ATXN1: variants seen among roughly 807,000 people sequenced by gnomAD.
ATXN1 encodes ataxin 1.
Under a neutral mutation model 56.4 loss-of-function variants are expected in ATXN1, and 8 were observed. The observed-to-expected ratio is 0.14, with a 90% CI of 0.08 to 0.26. The LOEUF (loss-of-function observed/expected upper bound fraction) is 0.26. Among genes scored for constraint, ATXN1 ranks in the 10% least tolerant of loss-of-function variants. ATXN1 has a pLI of 1.00. For synonymous variants in ATXN1, 514 were observed against 494.6 expected, an observed-to-expected ratio of 1.04 and a Z score of -0.52; for missense variants, 987 against 1,106.5, an observed-to-expected ratio of 0.89 and a Z score of 1.53.
At chr6:16,401,739 T>C (rs1018783911) in intron 6 of ATXN1, among the ~76,000 whole-genome samples, 40 of 152,340 alleles carry the variant, frequency 2.6e-4, no homozygotes, top group African/African-American at 8.9e-4. Context: ...TGAGTGTAAC[T>C]GAATATTTTT....
chr6:16,481,599 C>T (rs893403815), intron 6 of ATXN1, among the ~76,000 whole-genome samples: 1 of 152,024 alleles, frequency 6.6e-6, no homozygotes, highest in African/African-American at 2.4e-5. Context: ...TTCCAGAAAC[C>T]TTTATTATTG....
chr6:16,375,646 A>C (rs1460215318), intron 6 of ATXN1, among the ~76,000 whole-genome samples: 1 of 152,082 alleles, frequency 6.6e-6, no homozygotes, highest in East Asian at 1.9e-4. Flanking sequence ...AATTTCCATC[A>C]GACCACAATG....
At chr6:16,708,355 G>T (rs576701307) in intron 2 of ATXN1, among the ~76,000 whole-genome samples, 1 of 146,310 alleles carries the variant, frequency 6.8e-6, no homozygotes, top group East Asian at 2.0e-4. Flanking sequence ...AATGTAATTA[G>T]CAATTAAGGA....
chr6:16,322,394 TG>T (rs1319381302), intron 7 of ATXN1, among the ~76,000 whole-genome samples: 1 of 151,244 alleles, frequency 6.6e-6, no homozygotes, highest in African/African-American at 2.5e-5. Flanking sequence ...CTGCTTTCCC[TG>T]GGGGTGTGAT....
At chr6:16,510,720 A>G (rs1459048637) in intron 5 of ATXN1, among the ~76,000 whole-genome samples, 4 of 152,126 alleles carry the variant, frequency 2.6e-5, no homozygotes, top group African/African-American at 9.7e-5. Context: ...CCTGGGTGAC[A>G]GAGTGAGGCC....
chr6:16,579,417 C>A (rs1355538878), intron 4 of ATXN1, among the ~76,000 whole-genome samples: 1 of 137,236 alleles, frequency 7.3e-6, no homozygotes, highest in Non-Finnish European at 1.5e-5. Context: ...CCTCTGAGAG[C>A]AAACCACTCA....
chr6:16,402,194 T>C (rs1177185774), intron 6 of ATXN1, among the ~76,000 whole-genome samples: 1 of 146,746 alleles, frequency 6.8e-6, no homozygotes, highest in Non-Finnish European at 1.5e-5. Flanking sequence ...ATATCATCAG[T>C]TGATCTATAT....
At chr6:16,347,546 G>C (rs1013979202) in intron 6 of ATXN1, among the ~76,000 whole-genome samples, 4 of 151,814 alleles carry the variant, frequency 2.6e-5, no homozygotes, top group African/African-American at 9.7e-5. Flanking sequence ...CTCAAGGTTT[G>C]TAAACACACC....
At chr6:16,562,466 G>GAGAGA (rs1396854082) in intron 4 of ATXN1, among the ~76,000 whole-genome samples, 8 of 145,136 alleles carry the variant, frequency 5.5e-5, no homozygotes, top group African/African-American at 2.1e-4. Context: ...GAGAGGAGAG[G>GAGAGA]AGAGGAGAGG....
rs767768953 is a variant in ATXN1, at chr6:16,328,319, G to GT, written c.-10dup. On this transcript the variant is annotated 5_prime_UTR_variant, in exon 7 of 8. Coordinates refer to ENST00000436367, the MANE Select transcript of ATXN1 (RefSeq NM_001128164.2). This position sits in a 1 kb window ranked among gnomAD's most constrained non-coding sequence, Gnocchi z 6.2. Reference sequence around the variant, plus strand: ...TCTTGGTTGGATTTCATTTTTCGCCGTCCCCCCTCCACGGTGACTGTTTCA... The same window carrying GT: ...TCTTGGTTGGATTTCATTTTTCGCCGTTCCCCCCTCCACGGTGACTGTTTCA... 25 of 1,498,150 alleles carry GT rather than the reference G, an allele frequency of 1.7e-5. No homozygotes were observed. The highest frequency in any genetic ancestry group is 2.2e-5 in the Non-Finnish European group (25 of 1,129,304). 92.8% of individuals were successfully genotyped at this position (1,498,150 alleles called of 1,614,324 possible).
At chr6:16,701,676 C>G (rs1156721011) in intron 2 of ATXN1, among the ~76,000 whole-genome samples, 1 of 147,920 alleles carries the variant, frequency 6.8e-6, no homozygotes, top group Non-Finnish European at 1.5e-5. Flanking sequence ...CACAAGCATT[C>G]TTATACACCA....
chr6:16,694,337 C>T (rs115448706), intron 2 of ATXN1, among the ~76,000 whole-genome samples: 1,940 of 150,882 alleles, frequency 0.013, 28 homozygotes, highest in Middle Eastern at 0.027. Flanking sequence ...CTGCAAGCTC[C>T]GCCGCCTCCT....
chr6:16,523,948 C>A (rs1487627957), intron 4 of ATXN1, among the ~76,000 whole-genome samples: 2 of 152,180 alleles, frequency 1.3e-5, no homozygotes, highest in Non-Finnish European at 2.9e-5. Context: ...TTTAAAGACG[C>A]CTTTGCAGGT....
intron 6 of ATXN1, among the ~76,000 whole-genome samples, chr6:16,342,837 G>C (rs930703437): frequency 6.6e-6 from 1 of 152,192 alleles, no homozygotes; most frequent in African/African-American, 2.4e-5. Context: ...TTTGGAGAGA[G>C]CGTAGAACAG....
At chr6:16,753,085 C>T (rs936955302) in intron 2 of ATXN1, 148 bp downstream of exon 2, 14 of 346,570 alleles carry the variant, frequency 4.0e-5, no homozygotes, top group African/African-American at 2.8e-4. Context: ...TTGGCAATTT[C>T]TCAACTTCCC....
In ATXN1 at chr6:16,463,780, C is replaced by G. The variant is rs188882007; in HGVS notation, c.-161+22192G>C. 5.6e-4 allele frequency among the ~76,000 whole-genome samples: 85 copies of G among 152,340 alleles called. 1 individual carries two copies. The Middle Eastern group carries it at 0.014, about 24-fold the overall frequency. On this transcript the variant is annotated intron_variant, in intron 6 of 7. Coordinates refer to ENST00000436367, the MANE Select transcript of ATXN1 (RefSeq NM_001128164.2). The stretch of plus-strand genomic sequence containing the variant: ...TCTAGAGTTGGGCAACATGGTTTCT[C>G]CCCTTTCTACGTCCCATGACAGCCA...
chr6:16,711,480 A>G (rs1759521456), intron 2 of ATXN1, among the ~76,000 whole-genome samples: 1 of 152,090 alleles, frequency 6.6e-6, no homozygotes, highest in South Asian at 2.1e-4. Context: ...CTGAGAAAAA[A>G]TTCATATTTC....
chr6:16,402,185 TATC>T lies in ATXN1; in HGVS notation c.-160-73718_-160-73716del, dbSNP rs1758587484. Among the ~76,000 whole-genome samples, 6 of 144,400 alleles carry T rather than the reference TATC, an allele frequency of 4.2e-5. No homozygotes were observed. The Admixed American group carries it at 4.2e-4, about 10-fold the overall frequency. The allele number at this position is 144,400 out of a possible 152,430, so 94.7% of individuals were successfully genotyped here. On this transcript the variant is annotated intron_variant, in intron 6 of 7. Transcript: ENST00000436367. ...TCTGGGCAGGGACACAGCCAAACCA[TATC>T]ATCAGTTGATCTATATGGCTGGAAA...
rs138594240 is a variant in ATXN1 at position 16,431,920 on chromosome 6, T to C, written c.-161+54052A>G. Among the ~76,000 whole-genome samples, 832 of 152,302 alleles carry C rather than the reference T, an allele frequency of 5.5e-3. 7 individuals carry two copies. Among genetic ancestry groups the C allele is most frequent in the African/African-American group, 0.019 (791 of 41,562 alleles). On this transcript the variant is annotated intron_variant, in intron 6 of 7. Coordinates refer to ENST00000436367, the MANE Select transcript of ATXN1 (RefSeq NM_001128164.2). The stretch of plus-strand genomic sequence containing the variant: ...AAGCAGATTCCTTAGCCTGCTTTTC[T>C]GATGAGAGATCGCGGGGGAGCCAAA...
Sources: gnomAD v4.1 joint callset for allele counts (sites outside exome capture counted in the v4.1 genomes callset) on GRCh38, gnomAD v4.1.1 for gene constraint, Gnocchi (gnomAD v3.1) non-coding constraint, MANE v1.5 for transcripts, NCBI Gene and HGNC (gene_info 2026-07-23, HGNC 2026-07-21) for gene names.